The following MAST2 variants were observed in gnomAD, a reference collection of about 807,000 sequenced individuals.
MAST2 encodes the protein microtubule associated serine/threonine kinase 2.
MAST2 carries 70 observed loss-of-function variants against 147.4 expected under a neutral mutation model. That is an observed-to-expected ratio of 0.47 (90% CI 0.39 to 0.58). The LOEUF (loss-of-function observed/expected upper bound fraction) is 0.58. Ranked by LOEUF, MAST2 falls within the 20% of genes least tolerant of loss-of-function variation. The pLI is 0.00. For synonymous variants in MAST2, 869 were observed against 896.8 expected (o/e 0.97, Z 0.55); for missense variants, 2,080 against 2,302.3 (o/e 0.90, Z 1.98).
intron 5 of MAST2, among the ~76,000 whole-genome samples, chr1:45,993,452 G>T (rs1042801048): frequency 6.6e-6 from 1 of 152,156 alleles, no homozygotes; most frequent in Non-Finnish European, 1.5e-5. Flanking sequence ...GGGAGGCTGA[G>T]GCAGTAGGAT....
intron 4 of MAST2, among the ~76,000 whole-genome samples, chr1:45,955,043 A>G (rs974626228): frequency 6.6e-6 from 1 of 152,260 alleles, no homozygotes; most frequent in Non-Finnish European, 1.5e-5. Flanking sequence ...CATTTAACAA[A>G]TACTTATTGA....
chr1:45,945,595 G>A (rs1657913885), intron 4 of MAST2, among the ~76,000 whole-genome samples: 2 of 152,142 alleles, frequency 1.3e-5, no homozygotes, highest in Non-Finnish European at 2.9e-5. Flanking sequence ...AAGAAGGATT[G>A]TTACTAATAC....
intron 1 of MAST2, among the ~76,000 whole-genome samples, chr1:45,818,280 T>G: frequency 6.6e-6 from 1 of 152,190 alleles, no homozygotes; most frequent in Non-Finnish European, 1.5e-5. Context: ...CTGTAGTGGA[T>G]CAGACTGACA....
At chr1:45,834,644 G>T (rs1570292911) in intron 3 of MAST2, among the ~76,000 whole-genome samples, 1 of 152,226 alleles carries the variant, frequency 6.6e-6, no homozygotes, top group East Asian at 1.9e-4. Flanking sequence ...GTTAAAATCT[G>T]TTGTTAAAAG....
At chr1:45,930,327 C>T (rs541938396) in intron 4 of MAST2, among the ~76,000 whole-genome samples, 129 of 152,276 alleles carry the variant, frequency 8.5e-4, no homozygotes, top group African/African-American at 2.8e-3. Flanking sequence ...GATCTACCCG[C>T]CTTGGCCTCC....
intron 4 of MAST2, chr1:45,917,286 G>T: frequency 8.1e-7 from 1 of 1,231,920 alleles, no homozygotes; most frequent in Non-Finnish European, 1.1e-6. Flanking sequence ...GTTTCTTTTT[G>T]GTTGAAAAGT....
intron 1 of MAST2, among the ~76,000 whole-genome samples, chr1:45,808,880 CTTGA>C (rs1644214175): frequency 6.6e-6 from 1 of 152,104 alleles, no homozygotes; most frequent in Non-Finnish European, 1.5e-5. Context: ...TCAAGATCTA[CTTGA>C]TACTTAGCAC....
intron 4 of MAST2, among the ~76,000 whole-genome samples, chr1:45,897,233 T>C (rs1176952737): frequency 6.6e-6 from 1 of 152,112 alleles, no homozygotes; most frequent in East Asian, 1.9e-4. Context: ...CCCATTCAGA[T>C]AGGGTAAAGT....
intron 4 of MAST2, among the ~76,000 whole-genome samples, chr1:45,916,681 T>C (rs1456807649): frequency 1.3e-5 from 2 of 152,236 alleles, no homozygotes; most frequent in Non-Finnish European, 2.9e-5. Flanking sequence ...TAGGGACATA[T>C]ACATTTCTTT....
intron 4 of MAST2, among the ~76,000 whole-genome samples, chr1:45,956,743 T>A (rs1419403036): frequency 6.6e-6 from 1 of 152,234 alleles, no homozygotes; most frequent in Non-Finnish European, 1.5e-5. Flanking sequence ...TAATGGGCTT[T>A]TGGTATGGTG....
intron 5 of MAST2, among the ~76,000 whole-genome samples, chr1:45,992,160 T>C (rs909910494): frequency 2.0e-5 from 3 of 152,210 alleles, no homozygotes; most frequent in Non-Finnish European, 2.9e-5. Flanking sequence ...AGTATTATGT[T>C]AACAACAAGT....
chr1:45,811,796 G>T (rs1454245786), intron 1 of MAST2, among the ~76,000 whole-genome samples: 1 of 149,978 alleles, frequency 6.7e-6, no homozygotes, highest in Non-Finnish European at 1.5e-5. Flanking sequence ...ACCACGCCCA[G>T]CTAATTTTTT....
rs117596104 is a variant in MAST2 at position 45,955,524 on chromosome 1, A to C, written c.501-3862A>C. Among the ~76,000 whole-genome samples the C allele has an allele frequency of 1.2e-3, 184 of 152,280 alleles. 3 individuals are homozygous for C. The East Asian group carries it at 0.025, about 21-fold the overall frequency. ...ATAAGTGCTAGGAGAAAAATATATCAAGAAAGGGGGATAGAGAGTTTGGGA... is the reference window on the plus strand; with the variant it reads ...ATAAGTGCTAGGAGAAAAATATATCCAGAAAGGGGGATAGAGAGTTTGGGA... On this transcript the variant is annotated intron_variant, in intron 4 of 28. Coordinates refer to ENST00000361297, the MANE Select transcript of MAST2 (RefSeq NM_015112.3).
Position 45,829,652 on chromosome 1 carries a change from A to G in MAST2, c.468+71A>G, listed in dbSNP as rs1644892505. On this transcript the variant is annotated intron_variant, in intron 3 of 28. Coordinates refer to ENST00000361297, the MANE Select transcript of MAST2 (RefSeq NM_015112.3). ...ATTGTCATTTGTCATTGCAACATCTATTCTTTTTCCTTTTTAGGATTTGGA... is the reference window on the plus strand; with the variant it reads ...ATTGTCATTTGTCATTGCAACATCTGTTCTTTTTCCTTTTTAGGATTTGGA... The G allele has an allele frequency of 2.8e-6, 4 of 1,439,666 alleles. No homozygotes were observed. In the South Asian group the frequency reaches 3.9e-5, roughly 14 times the overall value. 89.2% of individuals were successfully genotyped at this position (1,439,666 alleles called of 1,614,324 possible). A position where few individuals can be genotyped will look rare whatever the true frequency, so the allele number is the denominator to read the frequency against.
intron 2 of MAST2, among the ~76,000 whole-genome samples, chr1:45,828,996 T>G (rs1431142587): frequency 6.6e-6 from 1 of 152,136 alleles, no homozygotes; most frequent in Non-Finnish European, 1.5e-5. Context: ...TGACTCTCTT[T>G]CATTGAGATT....
At chr1:45,923,438 G>A (rs1653860679) in intron 4 of MAST2, among the ~76,000 whole-genome samples, 1 of 152,164 alleles carries the variant, frequency 6.6e-6, no homozygotes, top group African/African-American at 2.4e-5. Context: ...TACAAACTCT[G>A]AGCACTTACT....
chr1:45,910,347 A>G (rs904880330), intron 4 of MAST2, among the ~76,000 whole-genome samples: 2 of 152,146 alleles, frequency 1.3e-5, no homozygotes, highest in Non-Finnish European at 2.9e-5. Flanking sequence ...TTATTCTTTT[A>G]AAAGTTATTT....
chr1:45,825,770 A>G (rs974659762), intron 2 of MAST2, among the ~76,000 whole-genome samples: 4 of 151,342 alleles, frequency 2.6e-5, no homozygotes, highest in African/African-American at 9.7e-5. Flanking sequence ...GTCATGAGTA[A>G]ATTAGATTTT....
At chr1:46,008,203 A>G (rs1645566283) in intron 8 of MAST2, 93 bp from the exon 9 acceptor site, 1 of 771,428 alleles carries the variant, frequency 1.3e-6, no homozygotes, top group Admixed American at 2.1e-5. Context: ...GCTGCTGAAG[A>G]TGGTGGGAGG....
Sources: allele counts gnomAD v4.1 joint callset (sites outside exome capture counted in the v4.1 genomes callset), GRCh38; gene constraint gnomAD v4.1.1; transcripts MANE v1.5; gene names NCBI Gene and HGNC (gene_info 2026-07-23, HGNC 2026-07-21).